The following PPARGC1A variants were observed in gnomAD, a reference collection of about 807,000 sequenced individuals.
The protein encoded by PPARGC1A is peroxisome proliferator-activated receptor gamma coactivator 1-alpha.
A neutral mutation model predicts 88.7 loss-of-function variants in PPARGC1A; 25 were observed. The observed-to-expected ratio is 0.28, with a 90% CI of 0.21 to 0.39. The LOEUF (loss-of-function observed/expected upper bound fraction) is 0.39. Among genes scored for constraint, PPARGC1A ranks in the 10% least tolerant of loss-of-function variants. The pLI is 1.00. For missense variants in PPARGC1A, 880 were observed against 968.7 expected (o/e 0.91, Z 1.22); for synonymous variants, 363 against 355.6 (o/e 1.02, Z -0.24).
chr4:24,060,537 A>AC, the PPARGC1A span, among the ~76,000 whole-genome samples: 4 of 152,122 alleles, frequency 2.6e-5, no homozygotes, highest in African/African-American at 9.7e-5. Flanking sequence ...AACAACAACA[A>AC]AAAAAAAATC....
chr4:23,799,691 G>A (rs927566659), intron 12 of PPARGC1A, among the ~76,000 whole-genome samples: 4 of 152,190 alleles, frequency 2.6e-5, no homozygotes, highest in African/African-American at 9.7e-5. Context: ...TGCCGGCTAG[G>A]CAGGGAGATA....
intron 2 of PPARGC1A, among the ~76,000 whole-genome samples, chr4:23,871,997 G>C (rs1242126771): frequency 6.6e-6 from 1 of 152,030 alleles, no homozygotes; most frequent in Admixed American, 6.6e-5. Flanking sequence ...CTCTCCCAAG[G>C]GTGCAGGATA....
the PPARGC1A span, among the ~76,000 whole-genome samples, chr4:24,471,064 A>G: frequency 4.9e-3 from 748 of 151,498 alleles, 5 homozygotes; most frequent in South Asian, 0.028. The surrounding 1 kb of genome is among the most constrained non-coding windows in gnomAD (Gnocchi z 5.4). Context: ...CAGCCCCGCA[A>G]GCGGCCGAGG....
chr4:23,869,097 C>T (rs1022293002), intron 2 of PPARGC1A, among the ~76,000 whole-genome samples: 1 of 152,302 alleles, frequency 6.6e-6, no homozygotes, highest in Admixed American at 6.5e-5. Flanking sequence ...AGGCTCACCA[C>T]TGGCACCATT....
At chr4:23,833,976 C>T (rs1375454023) in intron 2 of PPARGC1A, among the ~76,000 whole-genome samples, 1 of 151,952 alleles carries the variant, frequency 6.6e-6, no homozygotes, top group Non-Finnish European at 1.5e-5. Context: ...GCCAGCCTGG[C>T]CAATGTGGTG....
the PPARGC1A span, among the ~76,000 whole-genome samples, chr4:24,243,989 C>T: frequency 2.0e-5 from 3 of 152,168 alleles, no homozygotes; most frequent in Non-Finnish European, 2.9e-5. Context: ...AGATTAATGG[C>T]GTGTTGAGGG....
At chr4:24,311,086 CTTTTTTTTTTTTTTTTTTTT>C in the PPARGC1A span, among the ~76,000 whole-genome samples, 4 of 59,870 alleles carry the variant, frequency 6.7e-5, no homozygotes, top group Non-Finnish European at 1.1e-4. Flanking sequence ...TATAATAATT[CTTTTTTTTTTTTTTTTTTTT>C]TTTTTTTTTT....
At chr4:24,018,835 G>T in the PPARGC1A span, among the ~76,000 whole-genome samples, 4 of 151,630 alleles carry the variant, frequency 2.6e-5, no homozygotes, top group African/African-American at 7.3e-5. Context: ...TCATTTTAAA[G>T]TTTTCTTTTT....
chr4:24,188,541 T>C, the PPARGC1A span, among the ~76,000 whole-genome samples: 1 of 152,080 alleles, frequency 6.6e-6, no homozygotes, highest in Admixed American at 6.5e-5. Flanking sequence ...AAGGAAGAAA[T>C]GAACTACCTG....
At chr4:24,229,145 T>A in the PPARGC1A span, among the ~76,000 whole-genome samples, 2 of 147,010 alleles carry the variant, frequency 1.4e-5, no homozygotes, top group Non-Finnish European at 3.0e-5. Context: ...AGCTTGGGTA[T>A]CTGGACCTTT....
chr4:24,118,921 T>C, the PPARGC1A span, among the ~76,000 whole-genome samples: 1 of 152,156 alleles, frequency 6.6e-6, no homozygotes, highest in Non-Finnish European at 1.5e-5. Flanking sequence ...AAAATGTCAA[T>C]GCAATCTAAA....
At chr4:23,824,694 C>T (rs973813913) in intron 5 of PPARGC1A, among the ~76,000 whole-genome samples, 186 bp from the exon 6 acceptor site, 7 of 152,042 alleles carry the variant, frequency 4.6e-5, no homozygotes, top group African/African-American at 1.7e-4. Context: ...ACAGCGTTTG[C>T]ATCAGTAAAC....
the PPARGC1A span, among the ~76,000 whole-genome samples, chr4:24,153,928 G>A: frequency 6.6e-6 from 1 of 152,058 alleles, no homozygotes. Context: ...CAAAAAGGTA[G>A]AGAAAATATG....
chr4:24,153,695 T>G, the PPARGC1A span, among the ~76,000 whole-genome samples: 1 of 152,210 alleles, frequency 6.6e-6, no homozygotes, highest in Non-Finnish European at 1.5e-5. Flanking sequence ...GAAAATCTGA[T>G]GATATTATTT....
chr4:24,345,408 ATTTG>A, the PPARGC1A span, among the ~76,000 whole-genome samples: 2 of 151,862 alleles, frequency 1.3e-5, no homozygotes, highest in Non-Finnish European at 2.9e-5. Context: ...ATGTGTTCCT[ATTTG>A]TTTGTGTCAT....
the PPARGC1A span, among the ~76,000 whole-genome samples, chr4:24,035,244 TA>T: frequency 1.3e-5 from 2 of 151,986 alleles, no homozygotes; most frequent in South Asian, 2.1e-4. Context: ...ACAATTGTTT[TA>T]AAAAAAACTT....
chr4:24,304,866 C>T, the PPARGC1A span, among the ~76,000 whole-genome samples: 3 of 152,062 alleles, frequency 2.0e-5, no homozygotes, highest in East Asian at 1.9e-4. Flanking sequence ...CATGGGTTAT[C>T]GGCTTTTAAG....
At chr4:24,249,378 T>G in the PPARGC1A span, among the ~76,000 whole-genome samples, 1 of 152,178 alleles carries the variant, frequency 6.6e-6, no homozygotes. Context: ...CTGGTCACCG[T>G]GACGACTATT....
chr4:24,137,100 C>T, the PPARGC1A span, among the ~76,000 whole-genome samples: 760 of 139,044 alleles, frequency 5.5e-3, 27 homozygotes, highest in East Asian at 0.097. Context: ...GGTGACACAG[C>T]GAGACTCTGT....
Sources: allele counts gnomAD v4.1 joint callset (sites outside exome capture counted in the v4.1 genomes callset), GRCh38; gene constraint gnomAD v4.1.1; non-coding constraint Gnocchi (gnomAD v3.1); transcripts MANE v1.5; gene names NCBI Gene and HGNC (gene_info 2026-07-23, HGNC 2026-07-21).